The following ASPRV1 variants were observed in gnomAD, a reference collection of about 807,000 sequenced individuals.
ASPRV1 encodes retroviral-like aspartic protease 1.
ASPRV1 carries 7 observed loss-of-function variants against 11.0 expected under a neutral mutation model. The observed-to-expected ratio is 0.64, with a 90% CI of 0.36 to 1.20. The LOEUF (loss-of-function observed/expected upper bound fraction) is 1.20. Ranked by LOEUF, ASPRV1 falls within the 50% of genes most tolerant of loss-of-function variation. The pLI, the probability that ASPRV1 is intolerant of heterozygous loss-of-function variation, is 0.02. For synonymous variants in ASPRV1, 136 were observed against 138.4 expected (o/e 0.98, Z 0.12); for missense variants, 299 against 320.0 (o/e 0.93, Z 0.50).
the ASPRV1 span, among the ~76,000 whole-genome samples, chr2:70,079,613 T>G: frequency 6.6e-6 from 1 of 151,960 alleles, no homozygotes; most frequent in Non-Finnish European, 1.5e-5. Flanking sequence ...GAGGAACCAG[T>G]GAGGCAGGAA....
the ASPRV1 span, among the ~76,000 whole-genome samples, chr2:70,044,195 G>C: frequency 6.6e-6 from 1 of 151,864 alleles, no homozygotes; most frequent in Non-Finnish European, 1.5e-5. Flanking sequence ...TTTTTAATAG[G>C]GTCTCAAAGA....
chr2:70,085,048 T>C, the ASPRV1 span, among the ~76,000 whole-genome samples: 1 of 152,218 alleles, frequency 6.6e-6, no homozygotes, highest in South Asian at 2.1e-4. Context: ...TGCATTGAAC[T>C]GAAGAGTCCA....
At chr2:69,955,530 G>T (rs1677918155), downstream of ASPRV1, among the ~76,000 whole-genome samples, 1 of 152,218 alleles carries the variant, frequency 6.6e-6, no homozygotes, top group South Asian at 2.1e-4. Flanking sequence ...AGGTGCATGG[G>T]TTAGCAATTC....
chr2:69,960,783 T>G lies in ASPRV1; in HGVS notation c.654A>C (p.Thr218=). Residue 218 remains threonine (T), a synonymous_variant, in exon 1 of 1, where the codon ACA becomes ACC. Coordinates refer to ENST00000320256, the MANE Select transcript of ASPRV1 (RefSeq NM_152792.4). ...GAAACTTCTTCCCTTTCAGGGTGCA[T>G]GTGCGGTGCTCAAAGTCCAGGATAG... The part of the protein sequence containing the change: ...HNAILDFEHR[T]CTLKGKKFRL... 1.9e-6 allele frequency: 3 copies of G among 1,614,102 alleles called. No individual in the cohort carries two copies. The African/African-American group carries it at 4.0e-5, about 22-fold the overall frequency.
the ASPRV1 span, among the ~76,000 whole-genome samples, chr2:69,945,284 A>AC: frequency 6.6e-6 from 1 of 152,098 alleles, no homozygotes; most frequent in Non-Finnish European, 1.5e-5. Flanking sequence ...CTGCACATGC[A>AC]CCCCCTGAAT....
At chr2:70,008,949 C>T in the ASPRV1 span, among the ~76,000 whole-genome samples, 2 of 152,244 alleles carry the variant, frequency 1.3e-5, no homozygotes, top group East Asian at 1.9e-4. Flanking sequence ...TGGAGTTGCC[C>T]TAAATGCTTA....
chr2:69,997,734 C>A, the ASPRV1 span, among the ~76,000 whole-genome samples: 2 of 152,218 alleles, frequency 1.3e-5, no homozygotes, highest in Non-Finnish European at 2.9e-5. Context: ...CCTGGGGAGG[C>A]ATTTAAAATC....
At chr2:69,935,322 C>G in the ASPRV1 span, 1 of 1,542,808 alleles carries the variant, frequency 6.5e-7, no homozygotes, top group Non-Finnish European at 9.0e-7. Context: ...GTGAAACTCT[C>G]AAATGCTACT....
the ASPRV1 span, among the ~76,000 whole-genome samples, chr2:69,954,178 G>T: frequency 6.6e-6 from 1 of 152,146 alleles, no homozygotes; most frequent in Non-Finnish European, 1.5e-5. Context: ...GAGAATGAAG[G>T]CTCCTCATGG....
the ASPRV1 span, among the ~76,000 whole-genome samples, chr2:70,025,744 C>A: frequency 1.3e-5 from 2 of 152,202 alleles, no homozygotes; most frequent in Non-Finnish European, 2.9e-5. Context: ...CTTCTGCTGA[C>A]ACAAATGGTC....
chr2:70,054,937 A>G, the ASPRV1 span, among the ~76,000 whole-genome samples: 1 of 152,180 alleles, frequency 6.6e-6, no homozygotes, highest in Non-Finnish European at 1.5e-5. Flanking sequence ...ATACATACAT[A>G]CATATATATA....
chr2:70,037,572 A>G, the ASPRV1 span, among the ~76,000 whole-genome samples: 1 of 152,058 alleles, frequency 6.6e-6, no homozygotes, highest in Admixed American at 6.6e-5. Flanking sequence ...GCCTTTTTCT[A>G]TATGCTTTGT....
At chr2:70,086,083 A>T in the ASPRV1 span, 1 of 152,210 alleles carries the variant, frequency 6.6e-6, no homozygotes, top group African/African-American at 2.4e-5. Flanking sequence ...TTCCCGTTTC[A>T]AATTAAAGGG....
At chr2:70,019,765 G>C in the ASPRV1 span, among the ~76,000 whole-genome samples, 2 of 152,118 alleles carry the variant, frequency 1.3e-5, no homozygotes, top group Non-Finnish European at 2.9e-5. Flanking sequence ...GTGGCGGGTG[G>C]GGAGATTGGA....
the ASPRV1 span, among the ~76,000 whole-genome samples, chr2:69,972,586 G>A: frequency 2.0e-5 from 3 of 151,940 alleles, no homozygotes; most frequent in Admixed American, 2.0e-4. Flanking sequence ...TGGAACTCCT[G>A]ACCTCAGGTG....
the ASPRV1 span, among the ~76,000 whole-genome samples, chr2:69,998,392 T>C: frequency 6.7e-6 from 1 of 150,348 alleles, no homozygotes; most frequent in African/African-American, 2.4e-5. Context: ...CAGAGAAAAA[T>C]ATGCATCTGC....
upstream of ASPRV1, chr2:69,964,812 A>C (rs1258444089): frequency 6.6e-6 from 1 of 152,450 alleles, no homozygotes; most frequent in Non-Finnish European, 1.5e-5. Flanking sequence ...CAACCAGCCC[A>C]ATTCTTTCTC....
At chr2:70,020,217 T>C in the ASPRV1 span, among the ~76,000 whole-genome samples, 2 of 152,206 alleles carry the variant, frequency 1.3e-5, no homozygotes, top group African/African-American at 4.8e-5. Flanking sequence ...AATTACCATA[T>C]GATCTAGCAA....
rs764416223 is a variant in ASPRV1, at chr2:69,961,166, G to T, written c.271C>A (p.Pro91Thr). ...GGCAGGTGGCTGGGGGCAGCCCCAG[G>T]GACCCCAAAGGCCTTCAGGAGGGCC... The part of the protein sequence containing the change: ...KEALLKAFGV[P>T]GAAPSHLPKE... Residue 91 changes from proline (P) to threonine (T), a missense_variant, in exon 1 of 1, where the codon CCT (proline) becomes ACT (threonine). By Grantham distance (38) the Pro-to-Thr change is conservative (BLOSUM62 -1). Transcript: ENST00000320256. 5.3e-5 allele frequency: 86 copies of T among 1,613,674 alleles called. 1 individual carries two copies. In the Admixed American group the frequency reaches 1.2e-3, roughly 22 times the overall value.
Sources: gnomAD v4.1 joint callset for allele counts (sites outside exome capture counted in the v4.1 genomes callset) on GRCh38, gnomAD v4.1.1 for gene constraint, MANE v1.5 for transcripts, NCBI Gene and HGNC (gene_info 2026-07-23, HGNC 2026-07-21) for gene names.